The following LRRTM4 variants were observed in gnomAD, a reference collection of about 807,000 sequenced individuals.
LRRTM4 encodes the protein leucine rich repeat transmembrane neuronal 4, also known as leucine-rich repeat transmembrane neuronal protein 4.
In LRRTM4, 25 loss-of-function variants were observed where a neutral mutation model predicts 47.6. That is an observed-to-expected ratio of 0.53 (90% CI 0.38 to 0.73). The LOEUF is 0.73. LRRTM4 is among the 30% of genes least tolerant of loss of function. LRRTM4 has a pLI of 0.00. For synonymous variants in LRRTM4, 311 were observed against 269.5 expected, an observed-to-expected ratio of 1.15 and a Z score of -1.51; for missense variants, 638 against 713.4, an observed-to-expected ratio of 0.89 and a Z score of 1.20.
At position 76,995,357 on chromosome 2, in the gene LRRTM4, C is replaced by T. The variant is rs538448652; in HGVS notation, c.1552-246441G>A. Reference sequence around the variant, plus strand: ...CTTGTGAATTCTGGTCAAGATATTGCTGTAACTATATGTGGAATTCCTCTC... The same window carrying T: ...CTTGTGAATTCTGGTCAAGATATTGTTGTAACTATATGTGGAATTCCTCTC... On this transcript the variant is annotated intron_variant, in intron 3 of 3. Transcript: ENST00000409884. 2.6e-5 allele frequency among the ~76,000 whole-genome samples: 4 copies of T among 152,082 alleles called. No individual in the cohort carries two copies. In the East Asian group the frequency reaches 7.7e-4, roughly 29 times the overall value.
intron 3 of LRRTM4, among the ~76,000 whole-genome samples, chr2:77,101,479 A>C (rs1670950752): frequency 6.6e-6 from 1 of 152,160 alleles, no homozygotes; most frequent in African/African-American, 2.4e-5. Context: ...TTCTGTATAT[A>C]TTATGCCAAG....
At chr2:77,016,381 T>C (rs62170870) in intron 3 of LRRTM4, among the ~76,000 whole-genome samples, 1 of 130,558 alleles carries the variant, frequency 7.7e-6, no homozygotes, top group Admixed American at 7.4e-5. Context: ...GAGAACTCCA[T>C]TTAAAAAAAA....
At position 76,768,096 on chromosome 2, in the gene LRRTM4, A is replaced by G. The variant is rs574538858; in HGVS notation, c.1552-19180T>C. Among the ~76,000 whole-genome samples, 6 of 152,298 alleles carry G rather than the reference A, an allele frequency of 3.9e-5. No homozygotes were observed. In the South Asian group the frequency reaches 1.2e-3, roughly 32 times the overall value. On this transcript the variant is annotated intron_variant, in intron 3 of 3. Transcript: ENST00000409884. ...AAACAGAAAAAGCAGGTTTTAATTT[A>G]TGTGCATATTATATAGAGATAGAAT... is the stretch of plus-strand genomic sequence containing the variant.
chr2:76,897,895 G>A (rs72821256), intron 3 of LRRTM4, among the ~76,000 whole-genome samples: 43,024 of 151,944 alleles, frequency 0.28, 6,790 homozygotes, highest in African/African-American at 0.42. Context: ...AGCATAAGAC[G>A]TTTTCCATAC....
intron 3 of LRRTM4, among the ~76,000 whole-genome samples, chr2:77,383,204 C>T (rs1329406221): frequency 6.6e-6 from 1 of 151,992 alleles, no homozygotes; most frequent in Non-Finnish European, 1.5e-5. Context: ...TAATTTTATG[C>T]TTAGGATAAT....
chr2:77,397,814 A>G (rs1290220855), intron 3 of LRRTM4, among the ~76,000 whole-genome samples: 1 of 151,856 alleles, frequency 6.6e-6, no homozygotes, highest in Non-Finnish European at 1.5e-5. Flanking sequence ...ACACCCCTTG[A>G]TAATAGGGAG....
intron 3 of LRRTM4, among the ~76,000 whole-genome samples, chr2:76,831,490 C>T (rs2103895980): frequency 6.6e-6 from 1 of 152,206 alleles, no homozygotes; most frequent in East Asian, 1.9e-4. Flanking sequence ...TTCCTGATTA[C>T]TCTAGCTTTG....
chr2:76,918,034 A>T (rs1006636386), intron 3 of LRRTM4, among the ~76,000 whole-genome samples: 1 of 152,210 alleles, frequency 6.6e-6, no homozygotes, highest in African/African-American at 2.4e-5. Context: ...GGGGCAGGGA[A>T]AAGGGCTGAA....
chr2:76,948,915 A>T (rs781050172), intron 3 of LRRTM4, among the ~76,000 whole-genome samples: 3 of 151,836 alleles, frequency 2.0e-5, no homozygotes, highest in Non-Finnish European at 2.9e-5. Context: ...ATTTCATTTA[A>T]ATATTTTACT....
chr2:77,053,077 G>T (rs1679492949), intron 3 of LRRTM4, among the ~76,000 whole-genome samples: 1 of 151,996 alleles, frequency 6.6e-6, no homozygotes, highest in Non-Finnish European at 1.5e-5. Flanking sequence ...GAGCGATAAA[G>T]AAGTGAGTCC....
At chr2:77,447,963 CT>C (rs1292390952) in intron 3 of LRRTM4, among the ~76,000 whole-genome samples, 1 of 152,064 alleles carries the variant, frequency 6.6e-6, no homozygotes, top group Non-Finnish European at 1.5e-5. Context: ...CAATATCTCC[CT>C]TTTTATATAA....
chr2:76,810,321 T>A (rs1670696742), intron 3 of LRRTM4, among the ~76,000 whole-genome samples: 1 of 152,202 alleles, frequency 6.6e-6, no homozygotes, highest in Admixed American at 6.6e-5. Flanking sequence ...TCTAAGATTA[T>A]CCTCAATAAC....
chr2:77,400,951 A>G (rs1436758530), intron 3 of LRRTM4, among the ~76,000 whole-genome samples: 1 of 151,982 alleles, frequency 6.6e-6, no homozygotes, highest in Non-Finnish European at 1.5e-5. Flanking sequence ...ACAAAATTCA[A>G]ACTTCAGCGT....
At chr2:77,374,438 G>C (rs1558713677) in intron 3 of LRRTM4, among the ~76,000 whole-genome samples, 1 of 151,694 alleles carries the variant, frequency 6.6e-6, no homozygotes, top group African/African-American at 2.4e-5. Context: ...GACAGATATT[G>C]TTTTCACAGA....
chr2:77,268,659 TA>T (rs1273332755), intron 3 of LRRTM4, among the ~76,000 whole-genome samples: 18 of 152,270 alleles, frequency 1.2e-4, no homozygotes, highest in African/African-American at 4.3e-4. Context: ...AAAAAGCTGA[TA>T]TACAATAGTT....
chr2:77,499,827 G>A (rs958761708), intron 3 of LRRTM4, among the ~76,000 whole-genome samples: 4 of 151,736 alleles, frequency 2.6e-5, no homozygotes, highest in African/African-American at 9.7e-5. Flanking sequence ...TCCCTGGAAG[G>A]CATATGAGTT....
rs538056212 is a variant in LRRTM4 at position 77,092,036 on chromosome 2, C to G, written c.1552-343120G>C. On this transcript the variant is annotated intron_variant, in intron 3 of 3. Transcript: ENST00000409884. ...TCATGTCTGCGTGCAGCGGCTGCCA[C>G]TGCTTTAATACTTTTAAAGGCCCTC... 5.3e-5 allele frequency among the ~76,000 whole-genome samples: 8 copies of G among 152,242 alleles called. No homozygotes were observed. In the South Asian group the frequency reaches 1.7e-3, roughly 32 times the overall value.
At chr2:77,029,052 AATATAT>A (rs1182040448) in intron 3 of LRRTM4, among the ~76,000 whole-genome samples, 1 of 140,642 alleles carries the variant, frequency 7.1e-6, no homozygotes, top group South Asian at 2.5e-4. Flanking sequence ...CACACACACA[AATATAT>A]ATATATATAT....
At chr2:77,242,480 A>G (rs998007523) in intron 3 of LRRTM4, among the ~76,000 whole-genome samples, 2 of 152,130 alleles carry the variant, frequency 1.3e-5, no homozygotes, top group African/African-American at 4.8e-5. Context: ...ACCACAAAAA[A>G]TCTTATTTTC....
Sources: gnomAD v4.1 joint callset for allele counts (sites outside exome capture counted in the v4.1 genomes callset) on GRCh38, gnomAD v4.1.1 for gene constraint, MANE v1.5 for transcripts, NCBI Gene and HGNC (gene_info 2026-07-23, HGNC 2026-07-21) for gene names.